SLC36A1: variants seen among roughly 807,000 people sequenced by gnomAD.
The protein encoded by SLC36A1 is solute carrier family 36 member 1.
Under a neutral mutation model 47.5 loss-of-function variants are expected in SLC36A1, and 30 were observed. The ratio of observed to expected loss-of-function variants is 0.63; its 90% CI spans 0.47 to 0.86. The LOEUF (loss-of-function observed/expected upper bound fraction) is 0.86. SLC36A1 is among the 40% of genes least tolerant of loss of function. The pLI is 0.00. For missense variants in SLC36A1, 517 were observed against 606.0 expected (o/e 0.85, Z 1.54); for synonymous variants, 255 against 249.7 (o/e 1.02, Z -0.20).
At chr5:151,386,207 G>T in the SLC36A1 span, among the ~76,000 whole-genome samples, 1 of 151,888 alleles carries the variant, frequency 6.6e-6, no homozygotes. Context: ...TTTATATTTT[G>T]TTGTCAGATC....
chr5:151,474,496 C>T (rs986687499), intron 8 of SLC36A1, among the ~76,000 whole-genome samples: 1 of 152,058 alleles, frequency 6.6e-6, no homozygotes, highest in East Asian at 1.9e-4. Context: ...CTTAATGATT[C>T]GTAGTTATTA....
the SLC36A1 span, chr5:151,380,841 C>T: frequency 6.0e-4 from 277 of 464,606 alleles, no homozygotes; most frequent in Non-Finnish European, 9.8e-4. Flanking sequence ...GACCCACTGC[C>T]TCCAGGACAC....
intron 1 of SLC36A1, among the ~76,000 whole-genome samples, chr5:151,452,792 C>T (rs987313441): frequency 6.6e-6 from 1 of 151,518 alleles, no homozygotes; most frequent in Non-Finnish European, 1.5e-5. Flanking sequence ...ATCGCTTGAA[C>T]CCAGGAGGCG....
intron 9 of SLC36A1, chr5:151,477,049 A>C: frequency 2.1e-6 from 1 of 472,218 alleles, no homozygotes; most frequent in Non-Finnish European, 4.0e-6. Context: ...ATGGTAAACC[A>C]TTCCAAATAG....
At chr5:151,425,233 A>T in the SLC36A1 span, 1 of 152,290 alleles carries the variant, frequency 6.6e-6, no homozygotes, top group African/African-American at 2.4e-5. Flanking sequence ...ATCACCAAAG[A>T]CATCCCCACC....
the SLC36A1 span, chr5:151,366,454 G>T: frequency 3.8e-6 from 1 of 263,488 alleles, no homozygotes; most frequent in Non-Finnish European, 7.6e-6. Flanking sequence ...CTCATGGAGG[G>T]CCTAGAAGGT....
chr5:151,457,840 T>TG lies in SLC36A1; in HGVS notation c.-5-948_-5-947insG, dbSNP rs1440443819. Among the ~76,000 whole-genome samples the TG allele has an allele frequency of 3.5e-3, 483 of 138,128 alleles. 4 individuals carry two copies. Among genetic ancestry groups the TG allele is most frequent in the African/African-American group, 0.013 (472 of 35,858 alleles). 90.6% of individuals were successfully genotyped at this position (138,128 alleles called of 152,430 possible). A position where few individuals can be genotyped will look rare whatever the true frequency, so the allele number is the denominator to read the frequency against. On this transcript the variant is annotated intron_variant, in intron 1 of 10. Coordinates refer to ENST00000243389, the MANE Select transcript of SLC36A1 (RefSeq NM_078483.4). ...AGAGGGGATTTCTGTTTTCTTTTTT[T>TG]TTGTTGTTTGTTTGTTTTTTTTTTT...
At chr5:151,516,718 C>T in the SLC36A1 span, among the ~76,000 whole-genome samples, 3 of 152,152 alleles carry the variant, frequency 2.0e-5, no homozygotes, top group African/African-American at 4.8e-5. Context: ...GACCCAAGCA[C>T]CTAGGACAGT....
chr5:151,542,914 C>T, the SLC36A1 span: 1 of 1,614,200 alleles, frequency 6.2e-7, no homozygotes. Flanking sequence ...GGAGAAGACA[C>T]CATCCTTGTT....
the SLC36A1 span, among the ~76,000 whole-genome samples, chr5:151,349,183 G>A: frequency 6.6e-5 from 10 of 152,290 alleles, no homozygotes; most frequent in African/African-American, 1.9e-4. Context: ...AGCTTGCTAT[G>A]TTTAGATATG....
chr5:151,436,241 A>G (rs1471642693), upstream of SLC36A1, among the ~76,000 whole-genome samples: 2 of 152,330 alleles, frequency 1.3e-5, no homozygotes, highest in Non-Finnish European at 2.9e-5. Context: ...GCAGTCAAAC[A>G]TCACCTCCCT....
upstream of SLC36A1, among the ~76,000 whole-genome samples, chr5:151,443,193 A>T (rs567137917): frequency 1.3e-5 from 2 of 152,058 alleles, no homozygotes; most frequent in Non-Finnish European, 2.9e-5. Flanking sequence ...TTCTATTTTT[A>T]ATTTCTTTAG....
chr5:151,514,341 C>G, the SLC36A1 span, among the ~76,000 whole-genome samples: 15 of 152,216 alleles, frequency 9.9e-5, no homozygotes, highest in Non-Finnish European at 2.9e-5. Flanking sequence ...TGTCTCCCAC[C>G]TCTGTAATGT....
At chr5:151,507,495 A>C in the SLC36A1 span, 1 of 1,614,122 alleles carries the variant, frequency 6.2e-7, no homozygotes, top group South Asian at 1.1e-5. Flanking sequence ...GCTTATGATA[A>C]TGAACGCCAC....
chr5:151,528,156 T>C, the SLC36A1 span: 1 of 1,610,608 alleles, frequency 6.2e-7, no homozygotes, highest in Non-Finnish European at 8.5e-7. Flanking sequence ...AGGGGGATTG[T>C]GAATGGAGGG....
chr5:151,487,885 C>G, intron 10 of SLC36A1, 98 bp from the exon 11 acceptor site: 1 of 1,405,148 alleles, frequency 7.1e-7, no homozygotes, highest in Admixed American at 2.0e-5. Context: ...AGCTCTCAAT[C>G]CTATAAGATG....
In SLC36A1 at chr5:151,488,357, G is replaced by A; in HGVS notation, c.*103G>A. 6.9e-7 allele frequency: 1 copy of A among 1,441,084 alleles called. No individual in the cohort carries two copies. The highest frequency in any genetic ancestry group is 9.3e-7 in the Non-Finnish European group (1 of 1,070,246). The allele number at this position is 1,441,084 out of a possible 1,614,324, so 89.3% of individuals were successfully genotyped here. A position where few individuals can be genotyped will look rare whatever the true frequency, so the allele number is the denominator to read the frequency against. Reference sequence around the variant, plus strand: ...GGTCCAGGCTCTGAGGAAAGTCAGGGTTGCTGTGTGGGAACCCCTCTGCCT... The same window carrying A: ...GGTCCAGGCTCTGAGGAAAGTCAGGATTGCTGTGTGGGAACCCCTCTGCCT... On this transcript the variant is annotated 3_prime_UTR_variant, in exon 11 of 11. Transcript: ENST00000243389.
the SLC36A1 span, chr5:151,550,849 T>C: frequency 5.6e-6 from 9 of 1,613,232 alleles, no homozygotes; most frequent in Non-Finnish European, 7.6e-6. Flanking sequence ...GTGGTTAATG[T>C]TGGCAATCAT....
rs539751710 is a variant in SLC36A1, at chr5:151,492,334, G to A, written c.*4080G>A. Reference sequence around the variant, plus strand: ...TTTGGGGTTTGCACATGGATCGTATGTTAAGCTTTTTCTTTTCAATAAATG... The same window carrying A: ...TTTGGGGTTTGCACATGGATCGTATATTAAGCTTTTTCTTTTCAATAAATG... On this transcript the variant is annotated 3_prime_UTR_variant, in exon 11 of 11. Transcript: ENST00000243389. 12 of 151,882 alleles carry A rather than the reference G, an allele frequency of 7.9e-5. No homozygotes were observed. The East Asian group carries it at 2.1e-3, about 27-fold the overall frequency. 9.4% of individuals were successfully genotyped at this position (151,882 alleles called of 1,614,324 possible).
Sources: gnomAD v4.1 joint callset for allele counts (sites outside exome capture counted in the v4.1 genomes callset) on GRCh38, gnomAD v4.1.1 for gene constraint, MANE v1.5 for transcripts, NCBI Gene and HGNC (gene_info 2026-07-23, HGNC 2026-07-21) for gene names.